Variants in SNTB1 observed in about 807,000 individuals in gnomAD.
SNTB1 encodes beta-1-syntrophin.
In SNTB1, 36 loss-of-function variants were observed where a neutral mutation model predicts 48.9. The ratio of observed to expected loss-of-function variants is 0.74; its 90% CI spans 0.56 to 0.97. SNTB1 has a LOEUF of 0.97. Ranked by LOEUF, SNTB1 falls within the 50% of genes least tolerant of loss-of-function variation. SNTB1 has a pLI of 0.00. For synonymous variants in SNTB1, 299 were observed against 294.6 expected, an observed-to-expected ratio of 1.01 and a Z score of -0.15; for missense variants, 786 against 703.4, an observed-to-expected ratio of 1.12 and a Z score of -1.33.
chr8:120,806,916 C>T (rs1348468087), intron 1 of SNTB1, among the ~76,000 whole-genome samples: 2 of 152,216 alleles, frequency 1.3e-5, no homozygotes. Context: ...CCATCTTCCT[C>T]CTCGATCATT....
intron 3 of SNTB1, among the ~76,000 whole-genome samples, chr8:120,619,523 A>G (rs989465809): frequency 6.6e-6 from 1 of 152,156 alleles, no homozygotes; most frequent in Non-Finnish European, 1.5e-5. Context: ...TTTGAAGACT[A>G]TTCAGCCTGA....
At chr8:120,554,466 G>C (rs1217219675) in intron 4 of SNTB1, among the ~76,000 whole-genome samples, 1 of 152,166 alleles carries the variant, frequency 6.6e-6, no homozygotes, top group Admixed American at 6.5e-5. Flanking sequence ...CAGCGAGCCT[G>C]CCTCATCTGT....
intron 4 of SNTB1, chr8:120,571,445 G>A (rs75384748): frequency 0.014 from 8,264 of 577,760 alleles, 110 homozygotes; most frequent in Non-Finnish European, 0.02. Context: ...GTCTTTGTGT[G>A]CAGTTAAGGA....
chr8:120,570,957 T>C (rs1815832686), intron 4 of SNTB1: 2 of 196,654 alleles, frequency 1.0e-5, no homozygotes, highest in African/African-American at 2.4e-5. Flanking sequence ...TGGTTCCTTA[T>C]GTGTTCCTGC....
intron 3 of SNTB1, among the ~76,000 whole-genome samples, chr8:120,628,425 G>T (rs945425640): frequency 6.6e-6 from 1 of 152,158 alleles, no homozygotes; most frequent in Admixed American, 6.5e-5. Flanking sequence ...GTATTTATGG[G>T]TCATCTTGGG....
At chr8:120,671,261 C>T (rs1220085017) in intron 2 of SNTB1, among the ~76,000 whole-genome samples, 1 of 152,142 alleles carries the variant, frequency 6.6e-6, no homozygotes, top group Non-Finnish European at 1.5e-5. Context: ...GAATAGTGTC[C>T]TCTCAAAGTT....
intron 1 of SNTB1, among the ~76,000 whole-genome samples, chr8:120,799,937 T>C (rs1273325043): frequency 2.0e-5 from 3 of 152,118 alleles, no homozygotes; most frequent in African/African-American, 7.2e-5. Context: ...CACTCTCATT[T>C]CCTGTTCCAT....
intron 2 of SNTB1, among the ~76,000 whole-genome samples, chr8:120,676,339 C>T (rs1163686209): frequency 6.6e-6 from 1 of 152,184 alleles, no homozygotes; most frequent in Non-Finnish European, 1.5e-5. Flanking sequence ...ACTTGAGAGG[C>T]ATGTAAACTG....
intron 4 of SNTB1, among the ~76,000 whole-genome samples, chr8:120,558,901 C>T (rs956819497): frequency 8.5e-5 from 13 of 152,104 alleles, no homozygotes; most frequent in African/African-American, 2.9e-4. Context: ...TTTGATTATT[C>T]CCTGCTGTAT....
intron 1 of SNTB1, among the ~76,000 whole-genome samples, chr8:120,745,952 T>G (rs1819118709): frequency 6.6e-6 from 1 of 152,230 alleles, no homozygotes. Flanking sequence ...CCCAAGGGTC[T>G]ATCCCAGGGG....
At chr8:120,661,721 C>T (rs1281579717) in intron 2 of SNTB1, among the ~76,000 whole-genome samples, 1 of 152,194 alleles carries the variant, frequency 6.6e-6, no homozygotes, top group African/African-American at 2.4e-5. Flanking sequence ...TTGTTCAACT[C>T]CCACTTATGA....
At chr8:120,667,181 C>T (rs1166724629) in intron 2 of SNTB1, among the ~76,000 whole-genome samples, 1 of 150,688 alleles carries the variant, frequency 6.6e-6, no homozygotes, top group Non-Finnish European at 1.5e-5. Context: ...ACTGCAGCGG[C>T]ACCATCATAG....
At chr8:120,722,392 T>A (rs532644450) in intron 1 of SNTB1, among the ~76,000 whole-genome samples, 2 of 152,290 alleles carry the variant, frequency 1.3e-5, no homozygotes, top group Admixed American at 1.3e-4. Flanking sequence ...TTTCTCCACA[T>A]CCTCTCCAGC....
At position 120,632,474 on chromosome 8, in the gene SNTB1, CTCT is replaced by C; in HGVS notation, c.963_965del (p.Glu322del). ...CTGCAAGCCAGCCAAGATGCCTAAT[CTCT>C]CGGCTCCCAGCAATGCCTGTTTTCC... On this transcript the variant is annotated inframe_deletion, in exon 3 of 7. Coordinates refer to ENST00000517992, the MANE Select transcript of SNTB1 (RefSeq NM_021021.4). 1.2e-6 allele frequency: 2 copies of C among 1,614,128 alleles called. No homozygotes were observed. Among genetic ancestry groups the C allele is most frequent in the Non-Finnish European group, 1.7e-6 (2 of 1,180,030 alleles).
chr8:120,777,194 G>A (rs1466577086), intron 1 of SNTB1, among the ~76,000 whole-genome samples: 1 of 152,166 alleles, frequency 6.6e-6, no homozygotes, highest in African/African-American at 2.4e-5. Context: ...GAAATAGTTG[G>A]TTAAACAAAT....
At chr8:120,579,201 CAAACAA>C (rs528740726) in intron 3 of SNTB1, among the ~76,000 whole-genome samples, 29,981 of 151,870 alleles carry the variant, frequency 0.2, 3,051 homozygotes, top group Middle Eastern at 0.3. Flanking sequence ...AACAAACAAA[CAAACAA>C]ACAAACAAAG....
intron 1 of SNTB1, among the ~76,000 whole-genome samples, chr8:120,788,724 C>T (rs528975647): frequency 1.6e-4 from 25 of 151,914 alleles, no homozygotes; most frequent in African/African-American, 2.2e-4. Context: ...CTAACTCTGA[C>T]GCTCCAAGAT....
At chr8:120,775,707 CAAGGAAGGAAGGAAGGAAGG>C (rs371412589) in intron 1 of SNTB1, among the ~76,000 whole-genome samples, 53 of 114,458 alleles carry the variant, frequency 4.6e-4, no homozygotes, top group African/African-American at 1.4e-3. Context: ...GGGAAGGAGA[CAAGGAAGGAAGGAAGGAAGG>C]AAGGAAGGAA....
intron 4 of SNTB1, among the ~76,000 whole-genome samples, chr8:120,552,034 A>G (rs867527714): frequency 2.0e-5 from 3 of 152,060 alleles, no homozygotes; most frequent in African/African-American, 7.3e-5. Context: ...GAGGACATCA[A>G]CTCTGTCACG....
Sources: allele counts gnomAD v4.1 joint callset (sites outside exome capture counted in the v4.1 genomes callset), GRCh38; gene constraint gnomAD v4.1.1; transcripts MANE v1.5; gene names NCBI Gene and HGNC (gene_info 2026-07-23, HGNC 2026-07-21).